The following KCNMB2 variants were observed in gnomAD, a reference collection of about 807,000 sequenced individuals.
KCNMB2 encodes the protein potassium calcium-activated channel subfamily M regulatory beta subunit 2, also known as calcium-activated potassium channel subunit beta-2.
A neutral mutation model predicts 24.5 loss-of-function variants in KCNMB2; 9 were observed. The observed-to-expected ratio is 0.37, with a 90% CI of 0.22 to 0.64. The LOEUF (loss-of-function observed/expected upper bound fraction) is 0.64. KCNMB2 is among the 30% of genes least tolerant of loss of function. The pLI is 0.63. For synonymous variants in KCNMB2, 109 were observed against 104.4 expected, an observed-to-expected ratio of 1.04 and a Z score of -0.27; for missense variants, 226 against 284.3, an observed-to-expected ratio of 0.79 and a Z score of 1.47.
At chr3:178,762,723 A>G (rs1479111302) in intron 1 of KCNMB2, among the ~76,000 whole-genome samples, 1 of 152,198 alleles carries the variant, frequency 6.6e-6, no homozygotes, top group Non-Finnish European at 1.5e-5. Context: ...TATTGGAAGT[A>G]GAAGCAACAG....
intron 1 of KCNMB2, among the ~76,000 whole-genome samples, chr3:178,643,435 A>G (rs923106600): frequency 6.6e-6 from 1 of 152,198 alleles, no homozygotes; most frequent in Non-Finnish European, 1.5e-5. Context: ...TGAAACCTGA[A>G]TAAGCTCTAC....
chr3:178,612,974 CTGA>C (rs1230966638), intron 1 of KCNMB2, among the ~76,000 whole-genome samples: 1 of 151,994 alleles, frequency 6.6e-6, no homozygotes, highest in African/African-American at 2.4e-5. Context: ...TTATTTTAAC[CTGA>C]TAATAACTTA....
At chr3:178,606,238 A>G (rs1718266789) in intron 1 of KCNMB2, among the ~76,000 whole-genome samples, 1 of 152,178 alleles carries the variant, frequency 6.6e-6, no homozygotes, top group Admixed American at 6.6e-5. Flanking sequence ...CAATTCAAAT[A>G]TCATCAGAGA....
At chr3:178,625,391 C>A (rs1033071833) in intron 1 of KCNMB2, among the ~76,000 whole-genome samples, 4 of 152,206 alleles carry the variant, frequency 2.6e-5, no homozygotes, top group African/African-American at 9.7e-5. Flanking sequence ...TTTTCAGGGA[C>A]CTGGCTGGAG....
intron 1 of KCNMB2, among the ~76,000 whole-genome samples, chr3:178,621,147 A>T (rs1410806779): frequency 6.6e-6 from 1 of 152,236 alleles, no homozygotes; most frequent in Non-Finnish European, 1.5e-5. Flanking sequence ...TTACAAAGTC[A>T]TTGAAATAAT....
At chr3:178,773,361 T>C (rs1215073297) in intron 1 of KCNMB2, among the ~76,000 whole-genome samples, 1 of 152,196 alleles carries the variant, frequency 6.6e-6, no homozygotes, top group Non-Finnish European at 1.5e-5. Context: ...TATTTTAAAA[T>C]TCCATGGAAG....
chr3:178,582,931 T>C (rs909607411), intron 1 of KCNMB2, among the ~76,000 whole-genome samples: 2 of 152,280 alleles, frequency 1.3e-5, no homozygotes, highest in Admixed American at 1.3e-4. Flanking sequence ...TTTCTGAGAA[T>C]CAACTTCTCA....
chr3:178,615,689 T>C (rs980701926), intron 1 of KCNMB2, among the ~76,000 whole-genome samples: 10 of 152,126 alleles, frequency 6.6e-5, no homozygotes, highest in Admixed American at 6.5e-4. Flanking sequence ...CCCGCTGGCC[T>C]AGGGCAGGTC....
At chr3:178,757,800 TCC>T (rs1724191962) in intron 1 of KCNMB2, among the ~76,000 whole-genome samples, 2 of 109,390 alleles carry the variant, frequency 1.8e-5, no homozygotes, top group African/African-American at 3.8e-5. Context: ...ATATCTTATA[TCC>T]ATCCAAGAGG....
rs541191112 is a variant in KCNMB2, at chr3:178,664,071, G to A, written c.-68+127360G>A. ...GTTCTTTTTAATGTCTTTAGACTTG[G>A]CATTTTTCCGTTTACATAGCACTTT... On this transcript the variant is annotated intron_variant, in intron 1 of 4. Coordinates refer to ENST00000452583, the MANE Select transcript of KCNMB2 (RefSeq NM_181361.3). Among the ~76,000 whole-genome samples, 6 of 152,188 alleles carry A rather than the reference G, an allele frequency of 3.9e-5. No individual in the cohort carries two copies. In the South Asian group the frequency reaches 1.2e-3, roughly 32 times the overall value.
chr3:178,672,477 T>C (rs1577086982), intron 1 of KCNMB2, among the ~76,000 whole-genome samples: 1 of 152,216 alleles, frequency 6.6e-6, no homozygotes, highest in African/African-American at 2.4e-5. Flanking sequence ...CTATGACTAA[T>C]AGTACATCCA....
intron 1 of KCNMB2, among the ~76,000 whole-genome samples, chr3:178,787,456 C>G (rs1444041295): frequency 6.6e-6 from 1 of 152,090 alleles, no homozygotes; most frequent in Non-Finnish European, 1.5e-5. Context: ...TCAACCTTCA[C>G]AAGAACTTTA....
At chr3:178,759,151 T>C in intron 1 of KCNMB2, among the ~76,000 whole-genome samples, 1 of 71,398 alleles carries the variant, frequency 1.4e-5, no homozygotes, top group East Asian at 4.0e-4. Flanking sequence ...TATATATATA[T>C]ATCTATCTCC....
At chr3:178,638,840 A>G (rs1298973122) in intron 1 of KCNMB2, among the ~76,000 whole-genome samples, 1 of 152,208 alleles carries the variant, frequency 6.6e-6, no homozygotes, top group Non-Finnish European at 1.5e-5. Context: ...TCTTTCATAC[A>G]AGCCTTTTAA....
rs554711362 is a variant in KCNMB2, at chr3:178,750,386, A to C, written c.-67-56957A>C. On this transcript the variant is annotated intron_variant, in intron 1 of 4. Coordinates refer to ENST00000452583, the MANE Select transcript of KCNMB2 (RefSeq NM_181361.3). ...TTACTCTGCGACAGCCTTCTACAAA[A>C]AAAAACAAAAACAAAAACAAAACAA... Among the ~76,000 whole-genome samples, 3 of 152,322 alleles carry C rather than the reference A, an allele frequency of 2.0e-5. No homozygotes were observed. In the South Asian group the frequency reaches 6.2e-4, roughly 32 times the overall value.
intron 4 of KCNMB2, among the ~76,000 whole-genome samples, chr3:178,828,938 T>A (rs766265051): frequency 0.065 from 5,774 of 89,188 alleles, 262 homozygotes; most frequent in Middle Eastern, 0.18. Flanking sequence ...TGTGTGTGTG[T>A]GTGTGTGTGT....
At chr3:178,573,065 A>T (rs1004087946) in intron 1 of KCNMB2, among the ~76,000 whole-genome samples, 4 of 151,988 alleles carry the variant, frequency 2.6e-5, no homozygotes, top group African/African-American at 9.7e-5. Flanking sequence ...GTTAGAGGAC[A>T]GTGGCACAAT....
intron 1 of KCNMB2, among the ~76,000 whole-genome samples, chr3:178,721,242 C>T (rs1399541817): frequency 2.6e-5 from 4 of 152,148 alleles, no homozygotes; most frequent in Non-Finnish European, 5.9e-5. Context: ...ATCCTTTCCC[C>T]ATTGCTTGTT....
intron 1 of KCNMB2, among the ~76,000 whole-genome samples, chr3:178,647,599 T>C (rs62282968): frequency 0.015 from 2,354 of 152,340 alleles, 33 homozygotes; most frequent in Middle Eastern, 0.024. Flanking sequence ...CATAGTGTTT[T>C]GTTGATTAAA....
Sources: gnomAD v4.1 joint callset for allele counts (sites outside exome capture counted in the v4.1 genomes callset) on GRCh38, gnomAD v4.1.1 for gene constraint, MANE v1.5 for transcripts, NCBI Gene and HGNC (gene_info 2026-07-23, HGNC 2026-07-21) for gene names.